FRY: variants seen among roughly 807,000 people sequenced by gnomAD.
FRY encodes the protein FRY microtubule binding protein.
A neutral mutation model predicts 348.4 loss-of-function variants in FRY; 128 were observed. That is an observed-to-expected ratio of 0.37 (90% CI 0.32 to 0.43). The LOEUF (loss-of-function observed/expected upper bound fraction) is 0.43, where lower values mean the gene tolerates loss of function less well. FRY is among the 20% of genes least tolerant of loss of function. The probability of loss-of-function intolerance (pLI) is 1.00; values close to 1 mark genes in which losing one functional copy is unlikely to be tolerated. For missense variants in FRY, 2,736 were observed against 3,695.2 expected (o/e 0.74, Z 6.73); for synonymous variants, 1,370 against 1,374.7 (o/e 1.00, Z 0.08).
intron 1 of FRY, among the ~76,000 whole-genome samples, 163 bp from the exon 2 acceptor site, chr13:32,078,671 T>G (rs1026100220): frequency 6.6e-6 from 1 of 152,148 alleles, no homozygotes; most frequent in African/African-American, 2.4e-5. Flanking sequence ...ATAATGAAAA[T>G]AATAAAATTC....
At chr13:32,199,010 A>G (rs752105317) in intron 29 of FRY, among the ~76,000 whole-genome samples, 2 of 152,326 alleles carry the variant, frequency 1.3e-5, no homozygotes, top group Middle Eastern at 3.4e-3. Flanking sequence ...CTAAATATCT[A>G]TCAATGCGTG....
chr13:32,184,839 T>C, intron 25 of FRY, 137 bp from the exon 26 acceptor site: 3 of 1,005,800 alleles, frequency 3.0e-6, no homozygotes, highest in Non-Finnish European at 4.7e-6. Context: ...TCTTTTTTCA[T>C]ATTTTCTTTA....
chr13:32,121,553 T>C (rs978756976), intron 4 of FRY, among the ~76,000 whole-genome samples: 4 of 152,226 alleles, frequency 2.6e-5, no homozygotes, highest in African/African-American at 9.6e-5. Flanking sequence ...TATTTTTTCA[T>C]ATGTTTGTTG....
At chr13:32,192,394 C>G (rs193202259) in intron 28 of FRY, among the ~76,000 whole-genome samples, 1 of 150,418 alleles carries the variant, frequency 6.6e-6, no homozygotes, top group African/African-American at 2.4e-5. Context: ...CTCACTGCAA[C>G]CTCCACCTCC....
At chr13:32,289,270 A>G (rs765253763) in intron 58 of FRY, among the ~76,000 whole-genome samples, 12 of 152,218 alleles carry the variant, frequency 7.9e-5, no homozygotes, top group Non-Finnish European at 1.6e-4. Flanking sequence ...TACTTTTAAT[A>G]AAAGGAAATT....
intron 48 of FRY, among the ~76,000 whole-genome samples, chr13:32,248,214 G>A (rs756822246): frequency 3.3e-5 from 5 of 152,284 alleles, no homozygotes; most frequent in Middle Eastern, 3.4e-3. Context: ...ACAACATCTG[G>A]TGCATTAGTA....
intron 59 of FRY, among the ~76,000 whole-genome samples, 176 bp downstream of exon 59, chr13:32,289,919 A>T (rs1393168438): frequency 6.6e-6 from 1 of 152,264 alleles, no homozygotes; most frequent in Non-Finnish European, 1.5e-5. Context: ...CATTTTTAAA[A>T]GCAAAGTCAG....
chr13:32,057,310 T>G (rs1192995914), intron 1 of FRY, among the ~76,000 whole-genome samples: 1 of 152,116 alleles, frequency 6.6e-6, no homozygotes, highest in African/African-American at 2.4e-5. Flanking sequence ...TAGCTGGGAT[T>G]ACAGGCACGT....
At position 32,179,034 on chromosome 13, in the gene FRY, G is replaced by T; in HGVS notation, c.2871+1G>T. 1 of 1,610,168 alleles carries T rather than the reference G, an allele frequency of 6.2e-7. No homozygotes were observed. The highest frequency in any genetic ancestry group is 8.5e-7 in the Non-Finnish European group (1 of 1,176,450). On this transcript the variant is annotated splice_donor_variant, in intron 22 of 60. Transcript: ENST00000542859. LOFTEE classifies it high-confidence loss of function. ...TGGTACAGTGAGCTACGATAACAAGGTGACATGACATGCTTCAGAAGAATT... is the reference window on the plus strand; with the variant it reads ...TGGTACAGTGAGCTACGATAACAAGTTGACATGACATGCTTCAGAAGAATT...
At chr13:32,266,716 G>T (rs1887945654) in intron 54 of FRY, among the ~76,000 whole-genome samples, 2 of 152,186 alleles carry the variant, frequency 1.3e-5, no homozygotes, top group African/African-American at 4.8e-5. Flanking sequence ...AGGTGCGGTG[G>T]CACACACCTG....
chr13:32,170,436 A>G (rs1881991083), intron 17 of FRY, among the ~76,000 whole-genome samples: 1 of 152,210 alleles, frequency 6.6e-6, no homozygotes, highest in South Asian at 2.1e-4. Context: ...GTTATATAAG[A>G]TGTTAACATT....
chr13:32,068,906 C>T (rs1296315286), intron 1 of FRY, among the ~76,000 whole-genome samples: 4 of 131,310 alleles, frequency 3.0e-5, no homozygotes, highest in Admixed American at 1.7e-4. Context: ...CCTCCATGTT[C>T]AATTCTTTTT....
At chr13:32,128,029 A>G (rs147248090) in intron 7 of FRY, among the ~76,000 whole-genome samples, 2 of 152,150 alleles carry the variant, frequency 1.3e-5, no homozygotes, top group African/African-American at 4.8e-5. Context: ...TTAAAACCAT[A>G]GTTATTTTGG....
intron 11 of FRY, among the ~76,000 whole-genome samples, chr13:32,145,901 T>C (rs1880412725): frequency 6.6e-6 from 1 of 152,156 alleles, no homozygotes; most frequent in Non-Finnish European, 1.5e-5. Context: ...CTCTGCTCCA[T>C]TCCCCATGCT....
intron 7 of FRY, among the ~76,000 whole-genome samples, chr13:32,127,440 G>T (rs75414371): frequency 6.6e-6 from 1 of 151,952 alleles, no homozygotes; most frequent in African/African-American, 2.4e-5. Flanking sequence ...TAGATTTTTT[G>T]ATGGCTTTTG....
intron 20 of FRY, among the ~76,000 whole-genome samples, chr13:32,177,487 G>A (rs1882437281): frequency 6.6e-6 from 1 of 152,040 alleles, no homozygotes; most frequent in Non-Finnish European, 1.5e-5. Flanking sequence ...CCAGCTACTG[G>A]GGAGGCTGAG....
In FRY at chr13:32,209,593, T is replaced by C; in HGVS notation, c.4284T>C (p.Asp1428=). Residue 1428 remains aspartate (D), a synonymous_variant, in exon 33 of 61, where the codon GAT becomes GAC. Transcript: ENST00000542859. ...NLMYMTAKYG[D]EVPGPEMENA... ...TTTTTATTTTGTTATAGTATGGAGA[T>C]GAAGTTCCTGGGCCAGAAATGGAAA... 6.2e-7 allele frequency: 1 copy of C among 1,614,092 alleles called. No individual in the cohort carries two copies. The highest frequency in any genetic ancestry group is 2.2e-5 in the East Asian group (1 of 44,874).
chr13:32,294,301 T>C (rs1194810285), intron 59 of FRY, 67 bp from the exon 60 acceptor site: 1 of 1,096,754 alleles, frequency 9.1e-7, no homozygotes, highest in Non-Finnish European at 1.4e-6. Flanking sequence ...TCCTTTTTTT[T>C]TCCTTTTGGG....
chr13:32,036,790 A>C lies in FRY; in HGVS notation c.70+4925A>C, dbSNP rs575553122. On this transcript the variant is annotated intron_variant, in intron 1 of 60. Transcript: ENST00000542859. The stretch of plus-strand genomic sequence containing the variant: ...CAGGACTTGAGATAGAGATTTGCTC[A>C]AAGCCAGGATGGTAGTAAGCTCCAT... 5.9e-5 allele frequency among the ~76,000 whole-genome samples: 9 copies of C among 152,112 alleles called. No individual in the cohort carries two copies. The East Asian group carries it at 1.7e-3, about 29-fold the overall frequency.
Sources: allele counts gnomAD v4.1 joint callset (sites outside exome capture counted in the v4.1 genomes callset), GRCh38; gene constraint gnomAD v4.1.1; transcripts MANE v1.5; gene names NCBI Gene and HGNC (gene_info 2026-07-23, HGNC 2026-07-21).